The following PALLD variants were observed in gnomAD, a reference collection of about 807,000 sequenced individuals.
PALLD encodes the protein palladin, cytoskeletal associated protein.
A neutral mutation model predicts 123.5 loss-of-function variants in PALLD; 61 were observed. The observed-to-expected ratio is 0.49, with a 90% CI of 0.40 to 0.61. The LOEUF (loss-of-function observed/expected upper bound fraction) is 0.61. PALLD is among the 20% of genes least tolerant of loss of function. The pLI is 0.00. For missense variants in PALLD, 1,273 were observed against 1,377.0 expected (o/e 0.92, Z 1.20); for synonymous variants, 465 against 496.4 (o/e 0.94, Z 0.84).
Position 168,869,636 on chromosome 4 carries a change from T to C in PALLD, c.1965-21286T>C, listed in dbSNP as rs1400479367. On this transcript the variant is annotated intron_variant, in intron 10 of 21. Coordinates refer to ENST00000505667, the MANE Select transcript of PALLD (RefSeq NM_001166108.2). This position sits in a 1 kb window ranked among gnomAD's most constrained non-coding sequence, Gnocchi z 4.5. ...CAGCAGCATTAGTTGGAGATAAGATTGTTAGGACTGTTTGAGGCCAAATTA... is the reference window on the plus strand; with the variant it reads ...CAGCAGCATTAGTTGGAGATAAGATCGTTAGGACTGTTTGAGGCCAAATTA... 1.3e-5 allele frequency among the ~76,000 whole-genome samples: 2 copies of C among 152,180 alleles called. No homozygotes were observed. Among genetic ancestry groups the C allele is most frequent in the African/African-American group, 2.4e-5 (1 of 41,440 alleles).
chr4:168,576,295 G>A (rs1769576339), intron 2 of PALLD, among the ~76,000 whole-genome samples: 1 of 151,650 alleles, frequency 6.6e-6, no homozygotes. Flanking sequence ...GTGCAGTTTA[G>A]TTACATATGT....
intron 2 of PALLD, among the ~76,000 whole-genome samples, chr4:168,666,119 C>T (rs1168772530): frequency 6.6e-6 from 1 of 152,094 alleles, no homozygotes; most frequent in East Asian, 1.9e-4. Context: ...AGGCAGTAGG[C>T]TTGCAGGCTA....
chr4:168,756,451 T>C (rs545461426), intron 10 of PALLD: 1 of 159,750 alleles, frequency 6.3e-6, no homozygotes, highest in Admixed American at 6.4e-5. Flanking sequence ...ATTTGTGATA[T>C]TTTAATAATG....
chr4:168,810,721 TG>T (rs201611689), intron 10 of PALLD, among the ~76,000 whole-genome samples: 2,384 of 148,848 alleles, frequency 0.016, 52 homozygotes, highest in African/African-American at 0.056. Context: ...GGCAGGAGAA[TG>T]GCGTGAACCC....
intron 2 of PALLD, among the ~76,000 whole-genome samples, chr4:168,638,804 A>G (rs891026007): frequency 6.6e-6 from 1 of 151,922 alleles, no homozygotes; most frequent in Non-Finnish European, 1.5e-5. Flanking sequence ...CCCACTTCCT[A>G]AATACCATAT....
At chr4:168,898,210 T>A in intron 13 of PALLD, 1 of 463,154 alleles carries the variant, frequency 2.2e-6, no homozygotes, top group Non-Finnish European at 4.0e-6. Context: ...TTTCTTTCCT[T>A]CCCCTTGTTT....
At chr4:168,785,846 G>GAGATAT (rs764117358) in intron 10 of PALLD, among the ~76,000 whole-genome samples, 5 of 80,918 alleles carry the variant, frequency 6.2e-5, no homozygotes, top group African/African-American at 7.8e-5. Context: ...AAACTGTAGA[G>GAGATAT]ATATATATAT....
intron 18 of PALLD, 83 bp downstream of exon 18, chr4:168,921,824 A>C: frequency 9.0e-7 from 1 of 1,107,006 alleles, no homozygotes; most frequent in Non-Finnish European, 1.4e-6. Flanking sequence ...TTACTAACCA[A>C]TACGGAAAAT....
chr4:168,657,046 T>C (rs533774845), intron 2 of PALLD, among the ~76,000 whole-genome samples: 1 of 152,334 alleles, frequency 6.6e-6, no homozygotes, highest in African/African-American at 2.4e-5. Flanking sequence ...TTGTAAAATG[T>C]ATGCTAGGTA....
chr4:168,722,999 G>T (rs1209873968), intron 10 of PALLD, among the ~76,000 whole-genome samples: 1 of 152,198 alleles, frequency 6.6e-6, no homozygotes, highest in Non-Finnish European at 1.5e-5. Flanking sequence ...TGTGATCAAA[G>T]AGAGGATTCT....
chr4:168,511,288 T>G (rs1300711065), intron 1 of PALLD, 135 bp from the exon 2 acceptor site: 6 of 552,210 alleles, frequency 1.1e-5, no homozygotes, highest in African/African-American at 1.9e-5. Flanking sequence ...TACTTGATAT[T>G]TCTTCCAACT....
At chr4:168,504,593 C>CAAAA (rs60824764) in intron 1 of PALLD, among the ~76,000 whole-genome samples, 2 of 136,536 alleles carry the variant, frequency 1.5e-5, no homozygotes, top group African/African-American at 2.8e-5. Flanking sequence ...GACTCCAACT[C>CAAAA]AAAAAAAAAA....
chr4:168,708,868 A>G (rs1331242331), intron 8 of PALLD, among the ~76,000 whole-genome samples, 160 bp from the exon 9 acceptor site: 2 of 152,140 alleles, frequency 1.3e-5, no homozygotes, highest in Non-Finnish European at 1.5e-5. Flanking sequence ...CAGAATTGCT[A>G]AATTAAATGT....
chr4:168,616,878 C>G (rs1281192007), intron 2 of PALLD, among the ~76,000 whole-genome samples: 1 of 152,154 alleles, frequency 6.6e-6, no homozygotes, highest in Non-Finnish European at 1.5e-5. Context: ...CCAAGACCAG[C>G]TTTGCCCTCA....
chr4:168,910,231 T>C (rs1206015422), intron 15 of PALLD, among the ~76,000 whole-genome samples: 1 of 150,446 alleles, frequency 6.6e-6, no homozygotes. Flanking sequence ...TTTTTTTTTT[T>C]TTTTTTTTTT....
In PALLD at chr4:168,671,507, A is replaced by G. The variant is rs144040757; in HGVS notation, c.1087+3139A>G. On this transcript the variant is annotated intron_variant, in intron 3 of 21. Transcript: ENST00000505667. ...ATAGATCGTATGTGACTTTAGATAA[A>G]TTGAAGGGAGAGTAAGGAAACTGGA... Among the ~76,000 whole-genome samples the G allele has an allele frequency of 5.3e-5, 8 of 152,326 alleles. No homozygotes were observed. The East Asian group carries it at 1.5e-3, about 29-fold the overall frequency.
At chr4:168,595,587 T>C (rs1771898050) in intron 2 of PALLD, among the ~76,000 whole-genome samples, 1 of 152,206 alleles carries the variant, frequency 6.6e-6, no homozygotes, top group Non-Finnish European at 1.5e-5. Context: ...TTAGCAGTTT[T>C]CACTTAAAGT....
At chr4:168,531,343 T>C (rs1030895482) in intron 2 of PALLD, among the ~76,000 whole-genome samples, 2 of 152,180 alleles carry the variant, frequency 1.3e-5, no homozygotes, top group Non-Finnish European at 2.9e-5. Flanking sequence ...TTATTTTGCC[T>C]GAACAAATTA....
chr4:168,672,381 C>CA (rs1443267293), intron 3 of PALLD, among the ~76,000 whole-genome samples: 1 of 152,110 alleles, frequency 6.6e-6, no homozygotes, highest in Non-Finnish European at 1.5e-5. Flanking sequence ...TATCCTTTGA[C>CA]AGTCTCTTCC....
Sources: allele counts gnomAD v4.1 joint callset (sites outside exome capture counted in the v4.1 genomes callset), GRCh38; gene constraint gnomAD v4.1.1; non-coding constraint Gnocchi (gnomAD v3.1); transcripts MANE v1.5; gene names NCBI Gene and HGNC (gene_info 2026-07-23, HGNC 2026-07-21).